BABAM2: variants seen among roughly 807,000 people sequenced by gnomAD.
BABAM2 encodes BRISC and BRCA1-A complex member 2.
A neutral mutation model predicts 54.7 loss-of-function variants in BABAM2; 31 were observed. The ratio of observed to expected loss-of-function variants is 0.57; its 90% CI spans 0.43 to 0.77. The LOEUF is 0.77. Ranked by LOEUF, BABAM2 falls within the 30% of genes least tolerant of loss-of-function variation. The probability of loss-of-function intolerance (pLI) is 0.00; values close to 1 mark genes in which losing one functional copy is unlikely to be tolerated. For missense variants in BABAM2, 364 were observed against 455.8 expected, an observed-to-expected ratio of 0.80 and a Z score of 1.83; for synonymous variants, 167 against 162.9, an observed-to-expected ratio of 1.03 and a Z score of -0.19.
intron 7 of BABAM2, among the ~76,000 whole-genome samples, chr2:28,227,678 A>G (rs557946145): frequency 6.6e-6 from 1 of 152,236 alleles, no homozygotes; most frequent in South Asian, 2.1e-4. Flanking sequence ...ATCCCATGCC[A>G]CGGGGATGGG....
At chr2:28,221,473 A>G (rs1475055471) in intron 7 of BABAM2, among the ~76,000 whole-genome samples, 1 of 152,166 alleles carries the variant, frequency 6.6e-6, no homozygotes, top group Non-Finnish European at 1.5e-5. Flanking sequence ...TGTTGCTTTA[A>G]TTTAGCCACA....
At chr2:28,309,328 A>G (rs1025269581) in intron 11 of BABAM2, 5 of 152,132 alleles carry the variant, frequency 3.3e-5, no homozygotes, top group African/African-American at 1.2e-4. Flanking sequence ...TGCCTTCCAT[A>G]TGTCTTCTGC....
Position 28,026,886 on chromosome 2 carries a change from A to ATATATAAATATATATAAATATATATT in BABAM2, c.495+1466_495+1467insTATATAAATATATATAAATATATATT, listed in dbSNP as rs1558667477. ...TAGATATATATATTTATATATATAT[A>ATATATAAATATATATAAATATATATT]GATATATATAAATATATATAAATAT... On this transcript the variant is annotated intron_variant, in intron 5 of 11. Coordinates refer to ENST00000379624, the MANE Select transcript of BABAM2 (RefSeq NM_199191.3). 5.2e-3 allele frequency among the ~76,000 whole-genome samples: 271 copies of ATATATAAATATATATAAATATATATT among 52,562 alleles called. 9 individuals are homozygous for ATATATAAATATATATAAATATATATT. The highest frequency in any genetic ancestry group is 8.8e-3 in the Middle Eastern group (1 of 114). The allele number at this position is 52,562 out of a possible 152,430, so 34.5% of individuals were successfully genotyped here.
intron 11 of BABAM2, chr2:28,327,279 G>A (rs1180887776): frequency 1.2e-6 from 2 of 1,602,080 alleles, no homozygotes; most frequent in East Asian, 2.2e-5. Flanking sequence ...ACCAGGGGAT[G>A]CCAAGGGAGC....
upstream of BABAM2, chr2:27,890,352 A>G (rs776735951): frequency 1.6e-5 from 25 of 1,612,496 alleles, no homozygotes; most frequent in South Asian, 1.1e-5. The surrounding 1 kb of genome is among the most constrained non-coding windows in gnomAD (Gnocchi z 4.8). Context: ...CCATCGCTCA[A>G]AGGTGCTGCT....
chr2:28,210,820 G>A (rs923582092), intron 7 of BABAM2, among the ~76,000 whole-genome samples: 4 of 152,192 alleles, frequency 2.6e-5, no homozygotes, highest in Non-Finnish European at 5.9e-5. Context: ...TAGTGGGTAA[G>A]AGTGCTTCCT....
intron 7 of BABAM2, among the ~76,000 whole-genome samples, chr2:28,149,502 T>C (rs1464694751): frequency 6.6e-6 from 1 of 152,226 alleles, no homozygotes; most frequent in Non-Finnish European, 1.5e-5. Flanking sequence ...GGGCCGGCAT[T>C]GTCATCTCTG....
intron 7 of BABAM2, among the ~76,000 whole-genome samples, chr2:28,176,162 T>TG (rs1674921423): frequency 6.6e-6 from 1 of 151,990 alleles, no homozygotes; most frequent in Non-Finnish European, 1.5e-5. Flanking sequence ...ACATGAAATG[T>TG]GAAAAAACAA....
intron 7 of BABAM2, among the ~76,000 whole-genome samples, chr2:28,170,723 T>A (rs1180556528): frequency 6.6e-6 from 1 of 152,174 alleles, no homozygotes; most frequent in African/African-American, 2.4e-5. Context: ...GAGGGCTTTT[T>A]GTTGTTATTA....
intron 6 of BABAM2, among the ~76,000 whole-genome samples, chr2:28,068,762 C>T (rs1266428425): frequency 2.6e-5 from 4 of 152,036 alleles, no homozygotes; most frequent in African/African-American, 7.2e-5. Context: ...AAAAGAATCC[C>T]GTTGACTTTC....
chr2:28,286,714 C>A (rs1686849114), intron 10 of BABAM2, among the ~76,000 whole-genome samples: 1 of 152,178 alleles, frequency 6.6e-6, no homozygotes, highest in African/African-American at 2.4e-5. Context: ...GATGGAGTAT[C>A]TTTGCACCCA....
intron 10 of BABAM2, among the ~76,000 whole-genome samples, chr2:28,286,586 T>C (rs1572346397): frequency 6.6e-6 from 1 of 152,180 alleles, no homozygotes; most frequent in Non-Finnish European, 1.5e-5. Flanking sequence ...ATTCTCTTGC[T>C]TCTCTCCCTC....
At chr2:28,010,892 A>C (rs1674338510) in intron 4 of BABAM2, among the ~76,000 whole-genome samples, 1 of 152,172 alleles carries the variant, frequency 6.6e-6, no homozygotes, top group South Asian at 2.1e-4. Flanking sequence ...TTCAGACTTT[A>C]TATTCTCCTT....
chr2:27,957,742 A>G (rs1234471904), intron 3 of BABAM2, among the ~76,000 whole-genome samples: 1 of 152,058 alleles, frequency 6.6e-6, no homozygotes, highest in Non-Finnish European at 1.5e-5. Flanking sequence ...CCACTCCTCC[A>G]GGTATAATTT....
chr2:27,958,725 C>T (rs1168849313), intron 3 of BABAM2, among the ~76,000 whole-genome samples: 4 of 152,000 alleles, frequency 2.6e-5, no homozygotes, highest in Non-Finnish European at 5.9e-5. Context: ...TCTTGCCTAA[C>T]AAATACTCTT....
chr2:27,996,392 G>A (rs1673145971), intron 4 of BABAM2: 1 of 154,792 alleles, frequency 6.5e-6, no homozygotes, highest in Non-Finnish European at 1.5e-5. Flanking sequence ...GTTTTACTTG[G>A]GAGATTGGAG....
At position 28,240,870 on chromosome 2, in the gene BABAM2, C is replaced by CAA. The variant is rs56247120; in HGVS notation, c.781-439_781-438dup. 5.6e-3 allele frequency among the ~76,000 whole-genome samples: 609 copies of CAA among 109,032 alleles called. 2 individuals carry two copies. The highest frequency in any genetic ancestry group is 0.019 in the African/African-American group (584 of 30,290). The allele number at this position is 109,032 out of a possible 152,430, so 71.5% of individuals were successfully genotyped here. On this transcript the variant is annotated intron_variant, in intron 8 of 11. Coordinates refer to ENST00000379624, the MANE Select transcript of BABAM2 (RefSeq NM_199191.3). ...GGGCAACAAGAGCGAGACTCTGTCTCAAAAAAAAAAAAAAACAAAAAAAAC... is the reference window on the plus strand; with the variant it reads ...GGGCAACAAGAGCGAGACTCTGTCTCAAAAAAAAAAAAAAAAACAAAAAAAAC...
At chr2:28,023,855 A>G (rs894505483) in intron 4 of BABAM2, among the ~76,000 whole-genome samples, 2 of 152,182 alleles carry the variant, frequency 1.3e-5, no homozygotes, top group African/African-American at 2.4e-5. Context: ...GATGGTTCTC[A>G]AAGTGTGGTC....
rs1352461446 is a variant in BABAM2, at chr2:28,322,288, G to A, written c.1089-16162G>A. Among the ~76,000 whole-genome samples, 2 of 152,132 alleles carry A rather than the reference G, an allele frequency of 1.3e-5. No individual in the cohort carries two copies. Among genetic ancestry groups the A allele is most frequent in the Non-Finnish European group, 2.9e-5 (2 of 68,016 alleles). On this transcript the variant is annotated intron_variant, in intron 11 of 11. Transcript: ENST00000379624. The surrounding 1 kb of genome is among the most constrained non-coding windows in gnomAD (Gnocchi z 4.1). ...GGTGAAGTATGAGCCACCAAGCTCC[G>A]CCCAAGGGTGACCACAGAAGTAGAC... is the stretch of plus-strand genomic sequence containing the variant.
Sources: allele counts gnomAD v4.1 joint callset (sites outside exome capture counted in the v4.1 genomes callset), GRCh38; gene constraint gnomAD v4.1.1; non-coding constraint Gnocchi (gnomAD v3.1); transcripts MANE v1.5; gene names NCBI Gene and HGNC (gene_info 2026-07-23, HGNC 2026-07-21).